EFCAB11: variants seen among roughly 807,000 people sequenced by gnomAD.
EFCAB11 encodes the protein EF-hand calcium binding domain 11.
A neutral mutation model predicts 23.0 loss-of-function variants in EFCAB11; 14 were observed. The ratio of observed to expected loss-of-function variants is 0.61; its 90% CI spans 0.40 to 0.95. The LOEUF (loss-of-function observed/expected upper bound fraction) is 0.95. EFCAB11 is among the 40% of genes least tolerant of loss of function. The probability of loss-of-function intolerance (pLI) is 0.00; values close to 1 mark genes in which losing one functional copy is unlikely to be tolerated. For missense variants in EFCAB11, 198 were observed against 195.8 expected (o/e 1.01, Z -0.07); for synonymous variants, 65 against 66.6 (o/e 0.98, Z 0.11).
At chr14:89,927,253 A>G (rs1264434982) in intron 5 of EFCAB11, among the ~76,000 whole-genome samples, 5 of 152,226 alleles carry the variant, frequency 3.3e-5, no homozygotes, top group Admixed American at 3.3e-4. Context: ...ACGGGCAAGT[A>G]CTTCCGAAAG....
chr14:89,825,401 G>A (rs1314517770), intron 5 of EFCAB11, among the ~76,000 whole-genome samples: 1 of 151,906 alleles, frequency 6.6e-6, no homozygotes, highest in South Asian at 2.1e-4. Context: ...TAAAATCAAT[G>A]ATCAAAACAT....
At chr14:89,860,685 A>T (rs1488017549) in intron 5 of EFCAB11, among the ~76,000 whole-genome samples, 3 of 152,232 alleles carry the variant, frequency 2.0e-5, no homozygotes, top group African/African-American at 7.2e-5. Flanking sequence ...GGAGAGGGAT[A>T]AGTGAAATTC....
intron 5 of EFCAB11, among the ~76,000 whole-genome samples, chr14:89,871,174 G>T (rs571407021): frequency 6.6e-6 from 1 of 152,264 alleles, no homozygotes; most frequent in Non-Finnish European, 1.5e-5. Flanking sequence ...GAAGTTGGCA[G>T]ACAAGAGTGC....
At chr14:89,837,039 A>G (rs8020323) in intron 5 of EFCAB11, 333,764 of 456,052 alleles carry the variant, frequency 0.73, 126,358 homozygotes, top group Non-Finnish European at 0.83. Context: ...TGCACAGGTG[A>G]GGGGTGTGCC....
At chr14:89,798,778 T>C (rs941734484) in intron 5 of EFCAB11, among the ~76,000 whole-genome samples, 2 of 152,192 alleles carry the variant, frequency 1.3e-5, no homozygotes. Flanking sequence ...ACGACCTCAT[T>C]GTTATTGTAT....
intron 5 of EFCAB11, among the ~76,000 whole-genome samples, chr14:89,845,648 G>A (rs769227288): frequency 4.6e-5 from 7 of 152,122 alleles, no homozygotes; most frequent in African/African-American, 7.2e-5. Flanking sequence ...TAACTTCTGC[G>A]GGGCTTTGGG....
At position 89,881,699 on chromosome 14, in the gene EFCAB11, T is replaced by C. The variant is rs528346866; in HGVS notation, c.410+49842A>G. 2.0e-3 allele frequency among the ~76,000 whole-genome samples: 310 copies of C among 151,568 alleles called. 1 individual carries two copies. Among genetic ancestry groups the C allele is most frequent in the African/African-American group, 7.1e-3 (294 of 41,324 alleles). On this transcript the variant is annotated intron_variant, in intron 5 of 5. Transcript: ENST00000316738. ...CTGACCTCAGGTGATCTACCCACCT[T>C]GGCCTCACAAAGTGCTGGGATTACA...
At chr14:89,891,996 A>ACACCGCGGGC in intron 5 of EFCAB11, 9 of 1,499,644 alleles carry the variant, frequency 6.0e-6, no homozygotes, top group Non-Finnish European at 8.0e-6. Flanking sequence ...CAGCTCTGGG[A>ACACCGCGGGC]CACCGCGGGC....
At chr14:89,848,830 T>A (rs4542598) in intron 5 of EFCAB11, 1 of 151,544 alleles carries the variant, frequency 6.6e-6, no homozygotes. Context: ...AGGAGGCTGA[T>A]GCAGGAGGAT....
chr14:89,872,808 C>T (rs749039346), intron 5 of EFCAB11, among the ~76,000 whole-genome samples: 8 of 151,674 alleles, frequency 5.3e-5, no homozygotes, highest in South Asian at 2.1e-4. Flanking sequence ...CACAGACACA[C>T]ACACATGTGG....
At chr14:89,815,209 G>A (rs1169942514) in intron 5 of EFCAB11, among the ~76,000 whole-genome samples, 2 of 152,070 alleles carry the variant, frequency 1.3e-5, no homozygotes, top group African/African-American at 2.4e-5. Context: ...CCAAGAGAAC[G>A]TCCCCACAAT....
chr14:89,885,769 AAGAAAGAAAGAG>A (rs1467502086), intron 5 of EFCAB11, among the ~76,000 whole-genome samples: 2 of 151,026 alleles, frequency 1.3e-5, no homozygotes, highest in Non-Finnish European at 2.9e-5. Context: ...GAAAGAAAGA[AAGAAAGAAAGAG>A]AGAAAGAAAG....
At chr14:89,870,353 T>C (rs994867896) in intron 5 of EFCAB11, among the ~76,000 whole-genome samples, 6 of 152,194 alleles carry the variant, frequency 3.9e-5, no homozygotes, top group African/African-American at 1.4e-4. Flanking sequence ...GGTGGGGAGA[T>C]AGACCATTTT....
rs984843233 is a variant in EFCAB11, at chr14:89,933,064, G to A, written c.218-437C>T. On this transcript the variant is annotated intron_variant, in intron 3 of 5. Transcript: ENST00000316738. The stretch of plus-strand genomic sequence containing the variant: ...CAGGTTTTTTTCCAACTGGGAGATC[G>A]GGTCAGAGAAGTAGTTTCTTAAAAG... Among the ~76,000 whole-genome samples, 5 of 152,028 alleles carry A rather than the reference G, an allele frequency of 3.3e-5. No homozygotes were observed. The East Asian group carries it at 7.7e-4, about 23-fold the overall frequency.
intron 5 of EFCAB11, among the ~76,000 whole-genome samples, chr14:89,878,492 T>C (rs963343642): frequency 1.3e-5 from 2 of 152,030 alleles, no homozygotes; most frequent in Non-Finnish European, 2.9e-5. Context: ...AACAAGAAAA[T>C]AAAAGATGAA....
At chr14:89,930,814 G>A (rs12050176) in intron 5 of EFCAB11, among the ~76,000 whole-genome samples, 28,646 of 152,006 alleles carry the variant, frequency 0.19, 3,141 homozygotes, top group South Asian at 0.32. Flanking sequence ...TCTGGCTCTC[G>A]CTGGTGTGCT....
chr14:89,830,126 A>G (rs1462034297), intron 5 of EFCAB11: 2 of 152,136 alleles, frequency 1.3e-5, no homozygotes, highest in African/African-American at 4.8e-5. Flanking sequence ...ATTTAGATAT[A>G]CCTTATTCCC....
chr14:89,916,742 T>A (rs10142377), intron 5 of EFCAB11, among the ~76,000 whole-genome samples: 18,863 of 152,210 alleles, frequency 0.12, 3,234 homozygotes, highest in African/African-American at 0.39. Context: ...CTCCTGCCCC[T>A]TCCTCTCCTT....
At chr14:89,920,861 T>A (rs1243620462) in intron 5 of EFCAB11, among the ~76,000 whole-genome samples, 1 of 152,074 alleles carries the variant, frequency 6.6e-6, no homozygotes, top group East Asian at 1.9e-4. Flanking sequence ...GGTCAGGGGT[T>A]TGAGACCGGC....
Sources: gnomAD v4.1 joint callset for allele counts (sites outside exome capture counted in the v4.1 genomes callset) on GRCh38, gnomAD v4.1.1 for gene constraint, MANE v1.5 for transcripts, NCBI Gene and HGNC (gene_info 2026-07-23, HGNC 2026-07-21) for gene names.